SOX5: variants seen among roughly 807,000 people sequenced by gnomAD.
SOX5 encodes the protein SRY-box transcription factor 5.
Under a neutral mutation model 92.0 loss-of-function variants are expected in SOX5, and 9 were observed. The ratio of observed to expected loss-of-function variants is 0.10; its 90% confidence interval spans 0.06 to 0.17. SOX5 has a LOEUF of 0.17. Ranked by LOEUF, SOX5 falls within the 10% of genes least tolerant of loss-of-function variation. SOX5 has a pLI of 1.00. For synonymous variants in SOX5, 344 were observed against 336.3 expected (o/e 1.02, Z -0.25); for missense variants, 642 against 944.5 (o/e 0.68, Z 4.20).
intron 1 of SOX5, among the ~76,000 whole-genome samples, chr12:23,918,751 T>C (rs945007648): frequency 1.3e-5 from 2 of 151,592 alleles, no homozygotes; most frequent in African/African-American, 2.4e-5. Context: ...ACCCCGTCTC[T>C]ACTGAAAATA....
At chr12:23,966,218 A>T (rs1947556921) in intron 4 of SOX5, among the ~76,000 whole-genome samples, 1 of 26,124 alleles carries the variant, frequency 3.8e-5, no homozygotes, top group Admixed American at 4.0e-4. Flanking sequence ...AAAAAAAAAA[A>T]AAAAAAAAAA....
intron 1 of SOX5, among the ~76,000 whole-genome samples, chr12:24,386,432 C>A (rs1005259774): frequency 1.3e-5 from 2 of 152,070 alleles, no homozygotes; most frequent in African/African-American, 4.8e-5. Flanking sequence ...GTAATTAATA[C>A]TATTATCAAT....
At chr12:24,420,590 T>C (rs1965761863) in intron 1 of SOX5, among the ~76,000 whole-genome samples, 1 of 152,180 alleles carries the variant, frequency 6.6e-6, no homozygotes, top group Non-Finnish European at 1.5e-5. Flanking sequence ...TAAAAAGATA[T>C]AATCAATTAT....
At chr12:23,714,270 G>A (rs914749290) in intron 6 of SOX5, among the ~76,000 whole-genome samples, 4 of 152,122 alleles carry the variant, frequency 2.6e-5, no homozygotes, top group East Asian at 1.9e-4. Context: ...AAAGGCAATG[G>A]CAATAGACTA....
chr12:23,792,936 A>T (rs1235436827), intron 3 of SOX5, among the ~76,000 whole-genome samples: 1 of 152,142 alleles, frequency 6.6e-6, no homozygotes, highest in Non-Finnish European at 1.5e-5. Context: ...CTTAAAGGTA[A>T]AACTGGCTAA....
intron 4 of SOX5, among the ~76,000 whole-genome samples, chr12:24,174,064 C>T (rs1414614813): frequency 6.6e-6 from 1 of 151,972 alleles, no homozygotes; most frequent in African/African-American, 2.4e-5. Flanking sequence ...GTGGTATAAT[C>T]TCGGCTCACT....
chr12:24,300,318 C>T (rs1188200012), intron 2 of SOX5, among the ~76,000 whole-genome samples: 1 of 152,170 alleles, frequency 6.6e-6, no homozygotes, highest in African/African-American at 2.4e-5. Flanking sequence ...TCTGCATTAA[C>T]TATATGCGTT....
At chr12:24,033,014 A>C (rs1439423833) in intron 4 of SOX5, among the ~76,000 whole-genome samples, 2 of 151,902 alleles carry the variant, frequency 1.3e-5, no homozygotes, top group Non-Finnish European at 2.9e-5. Context: ...ATTACATTAA[A>C]AGTTTGTGTA....
At chr12:24,257,137 T>C (rs1941332881) in intron 3 of SOX5, among the ~76,000 whole-genome samples, 1 of 152,172 alleles carries the variant, frequency 6.6e-6, no homozygotes, top group South Asian at 2.1e-4. Flanking sequence ...AATGGAACCA[T>C]GTTTTAAATG....
intron 1 of SOX5, among the ~76,000 whole-genome samples, chr12:24,456,533 G>A (rs1943038172): frequency 6.6e-6 from 1 of 152,150 alleles, no homozygotes; most frequent in African/African-American, 2.4e-5. Context: ...ACTATGCCAG[G>A]ATCTTCACAT....
At position 24,033,891 on chromosome 12, in the gene SOX5, C is replaced by T. The variant is rs569226060; in HGVS notation, c.-1-137867G>A. 1.5e-4 allele frequency among the ~76,000 whole-genome samples: 23 copies of T among 152,028 alleles called. 1 individual carries two copies. In the South Asian group the frequency reaches 4.4e-3, roughly 29 times the overall value. On this transcript the variant is annotated intron_variant, in intron 4 of 4. Coordinates refer to the SOX5 transcript ENST00000446891. Reference sequence around the variant, plus strand: ...ATAGCCAAAACCACAATATAGTTCCCTTTTTTTGCTTGTTTTCAATGATGC... The same window carrying T: ...ATAGCCAAAACCACAATATAGTTCCTTTTTTTTGCTTGTTTTCAATGATGC...
intron 7 of SOX5, among the ~76,000 whole-genome samples, chr12:23,657,561 G>A (rs533416929): frequency 5.3e-5 from 8 of 152,182 alleles, no homozygotes; most frequent in East Asian, 3.9e-4. Context: ...GGAGATTTCC[G>A]TTGTATTGTA....
intron 4 of SOX5, among the ~76,000 whole-genome samples, chr12:23,974,480 T>A (rs977389168): frequency 6.6e-6 from 1 of 152,126 alleles, no homozygotes; most frequent in Non-Finnish European, 1.5e-5. Context: ...CAAAATACAA[T>A]CTAACCAGTA....
At chr12:23,859,992 G>C (rs933235543) in intron 2 of SOX5, among the ~76,000 whole-genome samples, 1 of 152,166 alleles carries the variant, frequency 6.6e-6, no homozygotes, top group Non-Finnish European at 1.5e-5. Flanking sequence ...CATGTCTTTT[G>C]AGGGAATATG....
intron 6 of SOX5, among the ~76,000 whole-genome samples, chr12:23,674,336 A>ATTTTTTTTTTTTT (rs34975795): frequency 0.29 from 27,357 of 95,850 alleles, 5,678 homozygotes; most frequent in Non-Finnish European, 0.34. Flanking sequence ...ATAAAAAGGA[A>ATTTTTTTTTTTTT]TTTTTTTTTT....
chr12:24,255,314 G>C (rs188951220), intron 3 of SOX5, among the ~76,000 whole-genome samples: 35 of 152,262 alleles, frequency 2.3e-4, no homozygotes, highest in Non-Finnish European at 4.9e-4. Context: ...ACAATATATG[G>C]ATTAATTCTT....
At chr12:24,559,690 C>T (rs1954150844) in intron 1 of SOX5, among the ~76,000 whole-genome samples, 1 of 152,098 alleles carries the variant, frequency 6.6e-6, no homozygotes, top group Non-Finnish European at 1.5e-5. Flanking sequence ...AACTCACCCC[C>T]ACTGAGGACA....
chr12:23,810,936 T>C (rs1196634838), intron 3 of SOX5, among the ~76,000 whole-genome samples: 1 of 152,186 alleles, frequency 6.6e-6, no homozygotes, highest in Non-Finnish European at 1.5e-5. Context: ...TTATCTTTAG[T>C]TCCAAAATAT....
chr12:23,986,119 A>G (rs1950036029), intron 4 of SOX5, among the ~76,000 whole-genome samples: 3 of 152,186 alleles, frequency 2.0e-5, no homozygotes, highest in Non-Finnish European at 4.4e-5. Flanking sequence ...GTTATATAAT[A>G]TAACACATTT....
Sources: allele counts gnomAD v4.1 joint callset (sites outside exome capture counted in the v4.1 genomes callset), GRCh38; gene constraint gnomAD v4.1.1; transcripts MANE v1.5; gene names NCBI Gene and HGNC (gene_info 2026-07-23, HGNC 2026-07-21).